CD46: variants seen among roughly 807,000 people sequenced by gnomAD.
CD46 encodes CD46 molecule.
Under a neutral mutation model 53.3 loss-of-function variants are expected in CD46, and 30 were observed. The observed-to-expected ratio is 0.56, with a 90% CI of 0.42 to 0.76. CD46 has a LOEUF of 0.76. Ranked by LOEUF, CD46 falls within the 30% of genes least tolerant of loss-of-function variation. CD46 has a pLI of 0.00. For missense variants in CD46, 409 were observed against 463.0 expected, an observed-to-expected ratio of 0.88 and a Z score of 1.07; for synonymous variants, 142 against 152.0, an observed-to-expected ratio of 0.93 and a Z score of 0.48.
chr1:207,777,154 G>C (rs1658206245), intron 8 of CD46, among the ~76,000 whole-genome samples: 1 of 152,048 alleles, frequency 6.6e-6, no homozygotes, highest in Non-Finnish European at 1.5e-5. Flanking sequence ...ACTGGATATA[G>C]ATTACTTTTT....
intron 12 of CD46, among the ~76,000 whole-genome samples, chr1:207,792,744 A>C (rs1455993913): frequency 6.6e-6 from 1 of 152,222 alleles, no homozygotes. Context: ...TGTGCTGTCC[A>C]GTTCAATAGC....
At position 207,761,429 on chromosome 1, in the gene CD46, C is replaced by T. The variant is rs1340675173; in HGVS notation, c.656C>T (p.Ala219Val). The T allele has an allele frequency of 1.2e-6, 2 of 1,613,592 alleles. No homozygotes were observed. Among genetic ancestry groups the T allele is most frequent in the Admixed American group, 1.7e-5 (1 of 60,024 alleles). ...GGTGACAATTCAGTGTGGAGTCGTG[C>T]TGCTCCAGAGTGTAAAGGTAGTGTT... ...YCGDNSVWSRAAPECKVVKCR... is the reference protein window; with the variant it reads ...YCGDNSVWSRVAPECKVVKCR... Residue 219 changes from alanine to valine, a missense_variant, in exon 5 of 13, where the codon GCT (alanine) becomes GTT (valine). Coordinates refer to ENST00000367042, the MANE Select transcript of CD46 (RefSeq NM_172351.3).
chr1:207,785,562 G>C, intron 10 of CD46, 57 bp from the exon 11 acceptor site: 1 of 1,191,836 alleles, frequency 8.4e-7, no homozygotes. Context: ...GCTAGATGTT[G>C]AATCTTGGTG....
chr1:207,759,921 T>C, intron 4 of CD46, 197 bp downstream of exon 4: 1 of 512,646 alleles, frequency 2.0e-6, no homozygotes, highest in Non-Finnish European at 3.5e-6. Flanking sequence ...TGGTTTTGTT[T>C]GTTTTTCCTA....
intron 10 of CD46, among the ~76,000 whole-genome samples, 163 bp from the exon 11 acceptor site, chr1:207,785,456 T>A (rs1659182414): frequency 6.6e-6 from 1 of 152,124 alleles, no homozygotes; most frequent in Non-Finnish European, 1.5e-5. Flanking sequence ...TTATGGGGAG[T>A]TGGATTTAGA....
In CD46 at chr1:207,770,317, C is replaced by T; in HGVS notation, c.902-4C>T. ...AATTTATAAAATCAAACTTATTTTT[C>T]TAGGTCCTAGGCCTACTTACAAGCC... is the stretch of plus-strand genomic sequence containing the variant. On this transcript the variant is annotated splice_region_variant and splice_polypyrimidine_tract_variant and intron_variant, in intron 7 of 12. Transcript: ENST00000367042. The T allele has an allele frequency of 1.9e-6, 3 of 1,600,632 alleles. No homozygotes were observed. The highest frequency in any genetic ancestry group is 1.3e-5 in the African/African-American group (1 of 74,730).
intron 8 of CD46, among the ~76,000 whole-genome samples, chr1:207,782,954 A>T (rs1658916365): frequency 6.6e-6 from 1 of 151,852 alleles, no homozygotes; most frequent in African/African-American, 2.4e-5. Flanking sequence ...TGCCCGGCTA[A>T]TCCCTCTATC....
intron 8 of CD46, among the ~76,000 whole-genome samples, chr1:207,774,218 T>C (rs954251652): frequency 6.6e-6 from 1 of 150,412 alleles, no homozygotes; most frequent in African/African-American, 2.4e-5. Flanking sequence ...CTTTTTTTTT[T>C]GCTTTCCATT....
Position 207,767,215 on chromosome 1 carries a change from T to C in CD46, c.856+20T>C, listed in dbSNP as rs183517108. 1,430 of 1,599,436 alleles carry C rather than the reference T, an allele frequency of 8.9e-4. No homozygotes were observed. Among genetic ancestry groups the C allele is most frequent in the Non-Finnish European group, 1.1e-3 (1,225 of 1,166,618 alleles). ...TTAAAGGTACAAAGGTTATCTTTTT[T>C]CTGTCTTGGTTTGTTATTGTTGTTG... is the stretch of plus-strand genomic sequence containing the variant. On this transcript the variant is annotated intron_variant, in intron 6 of 12. Transcript: ENST00000367042.
At chr1:207,754,116 A>C (rs555338938) in intron 1 of CD46, among the ~76,000 whole-genome samples, 1 of 152,328 alleles carries the variant, frequency 6.6e-6, no homozygotes, top group South Asian at 2.1e-4. Context: ...TCCAAAACAT[A>C]ATAGTGACAA....
intron 8 of CD46, among the ~76,000 whole-genome samples, chr1:207,778,368 T>C (rs111832106): frequency 1.3e-5 from 2 of 152,132 alleles, no homozygotes; most frequent in South Asian, 4.1e-4. Context: ...TCTGTTATTA[T>C]GTCCAGAGTG....
chr1:207,767,371 T>C (rs992914728), intron 6 of CD46, 176 bp downstream of exon 6: 1 of 735,730 alleles, frequency 1.4e-6, no homozygotes, highest in African/African-American at 1.8e-5. Flanking sequence ...GAAATTCACA[T>C]AAAATTCTGC....
chr1:207,788,670 G>C (rs1659511614), intron 11 of CD46, among the ~76,000 whole-genome samples: 1 of 152,184 alleles, frequency 6.6e-6, no homozygotes, highest in Non-Finnish European at 1.5e-5. Context: ...TCCACTTCCG[G>C]GGGTAACTGG....
intron 8 of CD46, among the ~76,000 whole-genome samples, chr1:207,777,442 A>T (rs1411071825): frequency 6.6e-6 from 1 of 152,108 alleles, no homozygotes; most frequent in Non-Finnish European, 1.5e-5. Flanking sequence ...CCCAGGTATT[A>T]AGCCTAGTAC....
intron 3 of CD46, among the ~76,000 whole-genome samples, chr1:207,758,641 G>A (rs1389510634): frequency 3.3e-5 from 5 of 152,148 alleles, no homozygotes; most frequent in Admixed American, 6.6e-5. Flanking sequence ...AGTTTTGGTA[G>A]AGACAAACCA....
chr1:207,762,000 A>G (rs990337821), intron 5 of CD46, among the ~76,000 whole-genome samples: 37 of 152,242 alleles, frequency 2.4e-4, no homozygotes, highest in African/African-American at 8.9e-4. Flanking sequence ...TACACATGAA[A>G]CATTCTCCAA....
intron 8 of CD46, among the ~76,000 whole-genome samples, chr1:207,775,617 C>G (rs762718727): frequency 6.6e-6 from 1 of 152,102 alleles, no homozygotes; most frequent in Non-Finnish European, 1.5e-5. Context: ...CAGTCAGACC[C>G]CTCAGCTGCA....
At chr1:207,787,811 T>C (rs565604006) in intron 11 of CD46, among the ~76,000 whole-genome samples, 3 of 152,344 alleles carry the variant, frequency 2.0e-5, no homozygotes, top group African/African-American at 4.8e-5. Flanking sequence ...ATTTTGTAGT[T>C]CCATGTTATT....
chr1:207,784,679 G>A (rs1198844115), intron 9 of CD46, among the ~76,000 whole-genome samples: 2 of 152,166 alleles, frequency 1.3e-5, no homozygotes, highest in African/African-American at 4.8e-5. Context: ...ATTTATAAAG[G>A]AAAGAGATTT....
Sources: gnomAD v4.1 joint callset for allele counts (sites outside exome capture counted in the v4.1 genomes callset) on GRCh38, gnomAD v4.1.1 for gene constraint, MANE v1.5 for transcripts, NCBI Gene and HGNC (gene_info 2026-07-23, HGNC 2026-07-21) for gene names.